Variants in ZNF609 observed in about 807,000 individuals in gnomAD.
The protein encoded by ZNF609 is zinc finger protein 609.
Under a neutral mutation model 109.5 loss-of-function variants are expected in ZNF609, and 11 were observed. The ratio of observed to expected loss-of-function variants is 0.10; its 90% CI spans 0.06 to 0.17. The LOEUF is 0.17. Among genes scored for constraint, ZNF609 ranks in the 10% least tolerant of loss-of-function variants. The probability of loss-of-function intolerance (pLI) is 1.00; values close to 1 mark genes in which losing one functional copy is unlikely to be tolerated. For missense variants in ZNF609, 1,559 were observed against 1,772.4 expected, an observed-to-expected ratio of 0.88 and a Z score of 2.16; for synonymous variants, 646 against 662.0, an observed-to-expected ratio of 0.98 and a Z score of 0.37.
chr15:64,551,906 A>G (rs58390659), intron 2 of ZNF609, among the ~76,000 whole-genome samples: 29,061 of 146,342 alleles, frequency 0.2, 6,557 homozygotes, highest in African/African-American at 0.52. Flanking sequence ...AGAATCGCTT[A>G]AACCAGGAGG....
chr15:64,461,764 A>T (rs1276362638), intron 1 of ZNF609, among the ~76,000 whole-genome samples: 1 of 152,132 alleles, frequency 6.6e-6, no homozygotes, highest in African/African-American at 2.4e-5. Flanking sequence ...TAGGGAAGAA[A>T]GCCTGTCTGT....
intron 6 of ZNF609, among the ~76,000 whole-genome samples, chr15:64,679,980 G>T (rs1409542699): frequency 6.6e-6 from 1 of 152,112 alleles, no homozygotes; most frequent in African/African-American, 2.4e-5. Flanking sequence ...AGGAAACAGG[G>T]CCATGTTCCT....
At chr15:64,606,238 C>T (rs534091927) in intron 2 of ZNF609, among the ~76,000 whole-genome samples, 13 of 150,782 alleles carry the variant, frequency 8.6e-5, no homozygotes, top group African/African-American at 1.9e-4. Flanking sequence ...CTCAGCCTTA[C>T]GGGTCTGCAA....
chr15:64,477,142 T>C (rs893611228), intron 1 of ZNF609, among the ~76,000 whole-genome samples: 30 of 146,020 alleles, frequency 2.1e-4, no homozygotes, highest in Non-Finnish European at 4.1e-4. Flanking sequence ...CTTTCTTTTT[T>C]TTTTTTTTTT....
chr15:64,608,199 A>T (rs529090549), intron 2 of ZNF609, among the ~76,000 whole-genome samples: 2 of 152,090 alleles, frequency 1.3e-5, no homozygotes, highest in Admixed American at 1.3e-4. Context: ...GCCCAGCCAA[A>T]TTATTTCTTA....
intron 2 of ZNF609, among the ~76,000 whole-genome samples, chr15:64,561,552 C>CTTTTTTTTTTTTTTT (rs771022478): frequency 7.7e-6 from 1 of 129,892 alleles, no homozygotes; most frequent in Non-Finnish European, 1.7e-5. Flanking sequence ...TTTTCTTTTT[C>CTTTTTTTTTTTTTTT]TTTTTTTTTT....
chr15:64,633,772 T>A (rs1896122895), intron 3 of ZNF609, among the ~76,000 whole-genome samples: 1 of 151,766 alleles, frequency 6.6e-6, no homozygotes, highest in African/African-American at 2.4e-5. Flanking sequence ...TCCCAGCTAC[T>A]CGGGAGTCTG....
intron 2 of ZNF609, among the ~76,000 whole-genome samples, chr15:64,582,582 T>C (rs535846596): frequency 7.2e-5 from 11 of 152,280 alleles, no homozygotes; most frequent in Non-Finnish European, 1.3e-4. Context: ...AACTTTTTGC[T>C]TACTTCATGC....
Position 64,675,062 on chromosome 15 carries a change from A to C in ZNF609, c.2208A>C (p.Glu736Asp), listed in dbSNP as rs749013440. 6.2e-7 allele frequency: 1 copy of C among 1,614,184 alleles called. No individual in the cohort carries two copies. The change falls in exon 5 of 10, where the codon GAA (glutamate) becomes GAC (aspartate). Residue 736 changes from glutamate to aspartate, a missense_variant. Coordinates refer to ENST00000326648, the MANE Select transcript of ZNF609 (RefSeq NM_015042.2). Reference sequence around the variant, plus strand: ...AAAAGAAAGACAAAAAAAAGAAGGAATCTTCAAAGGAACTTGAAAGTCCTC... The same window carrying C: ...AAAAGAAAGACAAAAAAAAGAAGGACTCTTCAAAGGAACTTGAAAGTCCTC... ...DKKKKDKKKK[E>D]SSKELESPLT...
At chr15:64,627,671 T>TC (rs529668768) in intron 3 of ZNF609, among the ~76,000 whole-genome samples, 9 of 138,270 alleles carry the variant, frequency 6.5e-5, no homozygotes, top group African/African-American at 2.3e-4. Context: ...TTCTTTTTTT[T>TC]TTTTTTTTTT....
At chr15:64,525,116 T>C (rs1016050952) in intron 2 of ZNF609, among the ~76,000 whole-genome samples, 5 of 152,234 alleles carry the variant, frequency 3.3e-5, no homozygotes, top group African/African-American at 1.2e-4. Flanking sequence ...TATATCTTCT[T>C]TGAAGATATC....
intron 2 of ZNF609, among the ~76,000 whole-genome samples, chr15:64,579,103 A>AT (rs766068772): frequency 2.0e-5 from 3 of 151,884 alleles, no homozygotes; most frequent in Non-Finnish European, 4.4e-5. Context: ...ACATTTTGCT[A>AT]TTTTTTTATG....
At chr15:64,669,735 T>C (rs758971755) in intron 3 of ZNF609, among the ~76,000 whole-genome samples, 1 of 152,194 alleles carries the variant, frequency 6.6e-6, no homozygotes, top group South Asian at 2.1e-4. Flanking sequence ...TGGCGCAATC[T>C]TGGCTCACTG....
chr15:64,595,449 A>G (rs1895378832), intron 2 of ZNF609, among the ~76,000 whole-genome samples: 1 of 152,036 alleles, frequency 6.6e-6, no homozygotes, highest in Non-Finnish European at 1.5e-5. Context: ...GCCAGAGAAA[A>G]CACCAAGAGA....
At chr15:64,597,838 A>G (rs1021818510) in intron 2 of ZNF609, among the ~76,000 whole-genome samples, 6 of 152,126 alleles carry the variant, frequency 3.9e-5, no homozygotes, top group Admixed American at 3.3e-4. Flanking sequence ...CTTCTGACTT[A>G]ATGTCCTTAC....
intron 1 of ZNF609, among the ~76,000 whole-genome samples, chr15:64,463,640 T>A (rs936473725): frequency 6.6e-6 from 1 of 152,214 alleles, no homozygotes; most frequent in African/African-American, 2.4e-5. Flanking sequence ...GCCTCCCTTA[T>A]CCTTTTATTT....
chr15:64,488,682 G>A (rs898499483), intron 1 of ZNF609, among the ~76,000 whole-genome samples: 1 of 152,148 alleles, frequency 6.6e-6, no homozygotes, highest in Non-Finnish European at 1.5e-5. Flanking sequence ...ATAGATCTGG[G>A]AAGGGAGAGA....
At chr15:64,638,963 C>G (rs576420561) in intron 3 of ZNF609, among the ~76,000 whole-genome samples, 140 of 151,922 alleles carry the variant, frequency 9.2e-4, no homozygotes, top group Non-Finnish European at 1.3e-3. Context: ...TCAGCATGTT[C>G]AAGATGGAGC....
At chr15:64,513,128 CT>C (rs1893758065) in intron 2 of ZNF609, among the ~76,000 whole-genome samples, 1 of 152,040 alleles carries the variant, frequency 6.6e-6, no homozygotes. Context: ...TTAATCTGTA[CT>C]TTAGATGGAT....
Sources: allele counts gnomAD v4.1 joint callset (sites outside exome capture counted in the v4.1 genomes callset), GRCh38; gene constraint gnomAD v4.1.1; transcripts MANE v1.5; gene names NCBI Gene and HGNC (gene_info 2026-07-23, HGNC 2026-07-21).